The following IL1RAPL1 variants were observed in gnomAD, a reference collection of about 807,000 sequenced individuals.
IL1RAPL1 encodes the protein interleukin 1 receptor accessory protein like 1.
In IL1RAPL1, 3 loss-of-function variants were observed where a neutral mutation model predicts 48.4. The ratio of observed to expected loss-of-function variants is 0.06; its 90% confidence interval spans 0.03 to 0.16. IL1RAPL1 has a LOEUF of 0.16. Ranked by LOEUF, IL1RAPL1 falls within the 10% of genes least tolerant of loss-of-function variation. IL1RAPL1 has a pLI of 1.00. For synonymous variants in IL1RAPL1, 185 were observed against 187.7 expected (o/e 0.99, Z 0.12); for missense variants, 349 against 530.6 (o/e 0.66, Z 3.36).
At chrX:28,967,649 A>G (rs1924952832) in intron 2 of IL1RAPL1, among the ~76,000 whole-genome samples, 1 of 111,603 alleles carries the variant, frequency 9.0e-6, no homozygotes, top group African/African-American at 3.3e-5. Flanking sequence ...TTAAATACCT[A>G]GATCAAACCA....
intron 9 of IL1RAPL1, 73 bp from the exon 10 acceptor site, chrX:29,954,449 G>A (rs1933379014): frequency 2.6e-5 from 23 of 874,391 alleles, no homozygotes; most frequent in Non-Finnish European, 3.8e-5. Context: ...ATGAAAAAAA[G>A]TGCATGTTTT....
At chrX:29,946,895 A>G (rs1025738505) in intron 9 of IL1RAPL1, among the ~76,000 whole-genome samples, 1 of 112,209 alleles carries the variant, frequency 8.9e-6, no homozygotes, top group Non-Finnish European at 1.9e-5. Flanking sequence ...TAAGTAATTC[A>G]TATGTCTTGA....
chrX:29,185,769 T>C (rs1930238933), intron 2 of IL1RAPL1, among the ~76,000 whole-genome samples: 1 of 110,962 alleles, frequency 9.0e-6, no homozygotes, highest in Non-Finnish European at 1.9e-5. Context: ...CTTGAGAAGG[T>C]CAAATGTGTA....
chrX:29,407,590 A>G (rs1213897332), intron 5 of IL1RAPL1, among the ~76,000 whole-genome samples: 3 of 111,692 alleles, frequency 2.7e-5, no homozygotes, highest in African/African-American at 6.6e-5. Context: ...TTATGTACAC[A>G]CATATATACA....
chrX:28,784,269 G>A (rs2147262955), intron 1 of IL1RAPL1, among the ~76,000 whole-genome samples: 1 of 111,928 alleles, frequency 8.9e-6, no homozygotes, highest in Non-Finnish European at 1.9e-5. Flanking sequence ...GGCACAAATG[G>A]ATACTTCAAT....
intron 2 of IL1RAPL1, among the ~76,000 whole-genome samples, chrX:28,948,374 C>T (rs1442763490): frequency 9.0e-6 from 1 of 110,762 alleles, no homozygotes; most frequent in Non-Finnish European, 1.9e-5. Context: ...CTCTTTTTGA[C>T]CCTCTTCTTT....
At chrX:29,401,213 G>A (rs750034468) in intron 5 of IL1RAPL1, among the ~76,000 whole-genome samples, 15 of 111,969 alleles carry the variant, frequency 1.3e-4, no homozygotes, top group African/African-American at 4.5e-4. Context: ...GGAAGATAAA[G>A]TTTTAATGAA....
chrX:28,990,051 T>G (rs921459065), intron 2 of IL1RAPL1, among the ~76,000 whole-genome samples: 4 of 111,424 alleles, frequency 3.6e-5, no homozygotes, highest in Admixed American at 1.9e-4. Flanking sequence ...GTTCTGAATT[T>G]TAATGTGCAG....
At chrX:29,355,602 C>T (rs1424803971) in intron 3 of IL1RAPL1, among the ~76,000 whole-genome samples, 1 of 111,627 alleles carries the variant, frequency 9.0e-6, no homozygotes, top group Admixed American at 9.5e-5. Context: ...TAAAAACGAG[C>T]GTGAGATAAA....
chrX:29,453,250 C>T (rs979724386), intron 5 of IL1RAPL1, among the ~76,000 whole-genome samples: 1 of 109,782 alleles, frequency 9.1e-6, no homozygotes, highest in Non-Finnish European at 1.9e-5. Context: ...TAAGAATATC[C>T]CATTCCTACT....
intron 6 of IL1RAPL1, among the ~76,000 whole-genome samples, chrX:29,674,848 C>G (rs1926232056): frequency 8.9e-6 from 1 of 111,854 alleles, no homozygotes; most frequent in African/African-American, 3.3e-5. Context: ...CATTAGTTTG[C>G]TAAAGATAAT....
intron 1 of IL1RAPL1, among the ~76,000 whole-genome samples, chrX:28,626,747 CTGAA>C (rs990539067): frequency 8.9e-6 from 1 of 112,420 alleles, no homozygotes; most frequent in African/African-American, 3.2e-5. Context: ...TATGACCTAC[CTGAA>C]ACCATGCACC....
chrX:29,804,303 C>A (rs899127996), intron 6 of IL1RAPL1, among the ~76,000 whole-genome samples: 1 of 111,140 alleles, frequency 9.0e-6, no homozygotes, highest in African/African-American at 3.3e-5. Flanking sequence ...TCAGGGAAAA[C>A]ATTAAATGTA....
At chrX:28,801,130 C>T (rs1936670492) in intron 2 of IL1RAPL1, among the ~76,000 whole-genome samples, 1 of 110,132 alleles carries the variant, frequency 9.1e-6, no homozygotes, top group South Asian at 3.8e-4. Context: ...TCCGCCCCTG[C>T]TTGGCCTCCC....
intron 2 of IL1RAPL1, among the ~76,000 whole-genome samples, chrX:28,873,571 G>A (rs1242440171): frequency 2.3e-4 from 19 of 84,305 alleles, no homozygotes; most frequent in Non-Finnish European, 4.1e-4. Flanking sequence ...TCGCTCTGTC[G>A]CCCAGGCTGG....
chrX:28,775,475 C>A (rs945374032), intron 1 of IL1RAPL1, among the ~76,000 whole-genome samples: 3 of 111,964 alleles, frequency 2.7e-5, no homozygotes, highest in African/African-American at 9.7e-5. Context: ...TTAGGGTACA[C>A]CCTAATCTGT....
chrX:29,335,661 G>A (rs756545029), intron 3 of IL1RAPL1, among the ~76,000 whole-genome samples: 1 of 110,978 alleles, frequency 9.0e-6, no homozygotes, highest in Admixed American at 9.6e-5. Flanking sequence ...TAGAACCGCA[G>A]CTTATTAGAG....
intron 5 of IL1RAPL1, among the ~76,000 whole-genome samples, chrX:29,575,833 A>G (rs889160088): frequency 1.8e-5 from 2 of 111,805 alleles, no homozygotes; most frequent in Non-Finnish European, 3.8e-5. Flanking sequence ...TGTTTCCTTG[A>G]ACCTAAACTG....
intron 3 of IL1RAPL1, among the ~76,000 whole-genome samples, chrX:29,324,716 A>G (rs934205344): frequency 5.4e-5 from 6 of 111,541 alleles, no homozygotes; most frequent in South Asian, 3.8e-4. Flanking sequence ...TTTAATTTCG[A>G]TGGCTATCCT....
Sources: gnomAD v4.1 joint callset for allele counts (sites outside exome capture counted in the v4.1 genomes callset) on GRCh38, gnomAD v4.1.1 for gene constraint, MANE v1.5 for transcripts, NCBI Gene and HGNC (gene_info 2026-07-23, HGNC 2026-07-21) for gene names.